TCERG1L: variants seen among roughly 807,000 people sequenced by gnomAD.
TCERG1L encodes transcription elongation regulator 1-like protein.
TCERG1L carries 37 observed loss-of-function variants against 56.3 expected under a neutral mutation model. The ratio of observed to expected loss-of-function variants is 0.66; its 90% confidence interval spans 0.51 to 0.87. The LOEUF (loss-of-function observed/expected upper bound fraction) is 0.87. Among genes scored for constraint, TCERG1L ranks in the 40% least tolerant of loss-of-function variants. The probability of loss-of-function intolerance (pLI) is 0.00; values close to 1 mark genes in which losing one functional copy is unlikely to be tolerated. For missense variants in TCERG1L, 799 were observed against 774.2 expected, an observed-to-expected ratio of 1.03 and a Z score of -0.38; for synonymous variants, 324 against 326.3, an observed-to-expected ratio of 0.99 and a Z score of 0.08.
intron 4 of TCERG1L, among the ~76,000 whole-genome samples, chr10:131,208,919 G>C (rs979065195): frequency 6.6e-6 from 1 of 152,130 alleles, no homozygotes; most frequent in Non-Finnish European, 1.5e-5. Context: ...TTAGCCAGGC[G>C]TGGTGGCAGG....
chr10:131,186,520 T>C (rs1305477506), intron 4 of TCERG1L, among the ~76,000 whole-genome samples: 5 of 152,202 alleles, frequency 3.3e-5, no homozygotes, highest in Non-Finnish European at 7.3e-5. Context: ...GCAGATCTGA[T>C]GGCTGCAGAG....
In TCERG1L at chr10:131,118,264, T is replaced by C. The variant is rs577436971; in HGVS notation, c.1260-1330A>G. 4.6e-5 allele frequency among the ~76,000 whole-genome samples: 7 copies of C among 152,198 alleles called. No individual in the cohort carries two copies. The highest frequency in any genetic ancestry group is 1.0e-4 in the Non-Finnish European group (7 of 68,028). ...GGAGCTCCCTAAGTGCTCGGAGATG[T>C]AGGAATGGCATGTACATCTAAAGGC... On this transcript the variant is annotated intron_variant, in intron 8 of 11. Coordinates refer to ENST00000368642, the MANE Select transcript of TCERG1L (RefSeq NM_174937.4). This position sits in a 1 kb window ranked among gnomAD's most constrained non-coding sequence, Gnocchi z 4.2.
At chr10:131,162,680 C>A in intron 6 of TCERG1L, 1 of 155,742 alleles carries the variant, frequency 6.4e-6, no homozygotes, top group Non-Finnish European at 1.4e-5. Flanking sequence ...CTGTAGCTCC[C>A]TCGTGGAGGG....
intron 3 of TCERG1L, among the ~76,000 whole-genome samples, chr10:131,293,616 A>C (rs182174006): frequency 5.3e-5 from 8 of 152,002 alleles, no homozygotes; most frequent in African/African-American, 1.2e-4. Context: ...AAACCTCCCA[A>C]GCTTGTGATA....
intron 4 of TCERG1L, among the ~76,000 whole-genome samples, chr10:131,216,273 A>G (rs1845668050): frequency 6.6e-6 from 1 of 152,088 alleles, no homozygotes. Flanking sequence ...GTAAGACAAT[A>G]TGGAAGGGTA....
chr10:131,309,068 AC>A, intron 2 of TCERG1L, 84 bp downstream of exon 2: 1 of 1,480,146 alleles, frequency 6.8e-7, no homozygotes, highest in Non-Finnish European at 9.1e-7. Context: ...ACAAGAAAAT[AC>A]ATGGGTATTT....
chr10:131,310,154 A>G (rs765197081), intron 1 of TCERG1L, among the ~76,000 whole-genome samples: 11 of 152,160 alleles, frequency 7.2e-5, no homozygotes. Flanking sequence ...GGTTTTTTAA[A>G]TTTTCTTTTA....
intron 8 of TCERG1L, among the ~76,000 whole-genome samples, chr10:131,123,848 G>C (rs1199763353): frequency 6.6e-6 from 1 of 152,164 alleles, no homozygotes; most frequent in Non-Finnish European, 1.5e-5. Context: ...CCCTGCCCCT[G>C]TCTTCTCAAA....
At chr10:131,154,378 C>CACTACACA (rs1845897341) in intron 6 of TCERG1L, among the ~76,000 whole-genome samples, 1 of 152,190 alleles carries the variant, frequency 6.6e-6, no homozygotes, top group South Asian at 2.1e-4. Flanking sequence ...CCCAGTCCCC[C>CACTACACA]ACTACACAAA....
chr10:131,294,085 A>G (rs2133576405), intron 3 of TCERG1L, among the ~76,000 whole-genome samples: 1 of 152,254 alleles, frequency 6.6e-6, no homozygotes, highest in Middle Eastern at 3.4e-3. Context: ...ATCTTTCAAC[A>G]ATAGTAAATC....
intron 7 of TCERG1L, among the ~76,000 whole-genome samples, chr10:131,137,198 C>T (rs1389679492): frequency 1.3e-5 from 2 of 152,094 alleles, no homozygotes; most frequent in East Asian, 1.9e-4. Flanking sequence ...CACCCTGCTC[C>T]CTGCCTCAGC....
In TCERG1L at chr10:131,256,985, G is replaced by GA. The variant is rs1205845623; in HGVS notation, c.856+3273dup. ...GGAAGGAAGGAAGGAAGGAAGGAAG[G>GA]AAGGAAGGAAAGAAAGAAAGAAAGA... On this transcript the variant is annotated intron_variant, in intron 4 of 11. Coordinates refer to ENST00000368642, the MANE Select transcript of TCERG1L (RefSeq NM_174937.4). Among the ~76,000 whole-genome samples, 679 of 79,836 alleles carry GA rather than the reference G, an allele frequency of 8.5e-3. 9 individuals are homozygous for GA. The highest frequency in any genetic ancestry group is 0.024 in the African/African-American group (564 of 23,538). 52.4% of individuals were successfully genotyped at this position (79,836 alleles called of 152,430 possible). A position where few individuals can be genotyped will look rare whatever the true frequency, so the allele number is the denominator to read the frequency against.
intron 4 of TCERG1L, among the ~76,000 whole-genome samples, chr10:131,222,246 A>C (rs958109704): frequency 6.6e-6 from 1 of 152,248 alleles, no homozygotes; most frequent in Admixed American, 6.5e-5. Context: ...GTGCATACTC[A>C]GGCATCCTGA....
At chr10:131,126,239 G>A (rs760589730) in intron 8 of TCERG1L, among the ~76,000 whole-genome samples, 5 of 152,226 alleles carry the variant, frequency 3.3e-5, no homozygotes, top group Non-Finnish European at 7.3e-5. Context: ...CATCTGTCCC[G>A]TGTGCACTTG....
At chr10:131,094,244 A>G (rs553941158) in intron 11 of TCERG1L, among the ~76,000 whole-genome samples, 1 of 152,154 alleles carries the variant, frequency 6.6e-6, no homozygotes, top group Non-Finnish European at 1.5e-5. Context: ...ATGCAGATGC[A>G]CTCGCTTGTC....
intron 8 of TCERG1L, among the ~76,000 whole-genome samples, chr10:131,119,474 C>T (rs1016631490): frequency 6.6e-6 from 1 of 152,154 alleles, no homozygotes; most frequent in African/African-American, 2.4e-5. Context: ...ATTAGGATTT[C>T]CCTGTAATAA....
At chr10:131,218,168 T>C (rs975031762) in intron 4 of TCERG1L, among the ~76,000 whole-genome samples, 1 of 152,228 alleles carries the variant, frequency 6.6e-6, no homozygotes, top group Non-Finnish European at 1.5e-5. Context: ...CTGCGTTTCC[T>C]GGTGCGTGGA....
chr10:131,096,163 G>A (rs745380586), intron 11 of TCERG1L, among the ~76,000 whole-genome samples: 1 of 152,134 alleles, frequency 6.6e-6, no homozygotes, highest in African/African-American at 2.4e-5. Context: ...AGGAGGGCTC[G>A]GGAGCACAGG....
At chr10:131,123,801 G>A (rs1232459236) in intron 8 of TCERG1L, among the ~76,000 whole-genome samples, 1 of 152,170 alleles carries the variant, frequency 6.6e-6, no homozygotes, top group African/African-American at 2.4e-5. Flanking sequence ...CCTCTGGAGT[G>A]CACGGTTATT....
Sources: gnomAD v4.1 joint callset for allele counts (sites outside exome capture counted in the v4.1 genomes callset) on GRCh38, gnomAD v4.1.1 for gene constraint, Gnocchi (gnomAD v3.1) non-coding constraint, MANE v1.5 for transcripts, NCBI Gene and HGNC (gene_info 2026-07-23, HGNC 2026-07-21) for gene names.